The following AGBL1 variants were observed in gnomAD, a reference collection of about 807,000 sequenced individuals.
The protein encoded by AGBL1 is cytosolic carboxypeptidase 4.
AGBL1 carries 130 observed loss-of-function variants against 118.9 expected under a neutral mutation model. The ratio of observed to expected loss-of-function variants is 1.09; its 90% CI spans 0.95 to 1.26. The LOEUF (loss-of-function observed/expected upper bound fraction) is 1.26, where lower values mean the gene tolerates loss of function less well. AGBL1 is among the 50% of genes most tolerant of loss of function. The pLI is 0.00. For synonymous variants in AGBL1, 555 were observed against 478.9 expected (o/e 1.16, Z -2.08); for missense variants, 1,584 against 1,298.1 (o/e 1.22, Z -3.38).
chr15:86,835,447 G>A (rs1211167359), intron 22 of AGBL1, among the ~76,000 whole-genome samples: 1 of 152,166 alleles, frequency 6.6e-6, no homozygotes, highest in Non-Finnish European at 1.5e-5. Context: ...CTCAGTGAGA[G>A]TAAGTAAAAG....
intron 17 of AGBL1, among the ~76,000 whole-genome samples, chr15:86,357,842 C>A (rs1050192971): frequency 8.5e-5 from 13 of 152,170 alleles, no homozygotes; most frequent in Admixed American, 3.3e-4. Flanking sequence ...CATGCACAGG[C>A]CTTAAACTCT....
chr15:86,668,947 C>T (rs2085693614), intron 21 of AGBL1, among the ~76,000 whole-genome samples: 2 of 152,270 alleles, frequency 1.3e-5, no homozygotes, highest in South Asian at 2.1e-4. Context: ...AATCACAATT[C>T]AAATGTACCT....
At chr15:86,638,681 G>A (rs1376174231) in intron 21 of AGBL1, among the ~76,000 whole-genome samples, 2 of 152,206 alleles carry the variant, frequency 1.3e-5, no homozygotes, top group Non-Finnish European at 2.9e-5. Context: ...TTAGTGGGGA[G>A]ATGAGGAACT....
At position 86,196,899 on chromosome 15, in the gene AGBL1, A is replaced by G. The variant is rs1248616751; in HGVS notation, c.489-28015A>G. 6.8e-4 allele frequency among the ~76,000 whole-genome samples: 103 copies of G among 151,370 alleles called. 1 individual carries two copies. The highest frequency in any genetic ancestry group is 2.2e-3 in the African/African-American group (92 of 41,078). On this transcript the variant is annotated intron_variant, in intron 5 of 22. Transcript: ENST00000614907. ...CGCGCGCACACACACACACACACACACACACACACACACACACACACACAC... is the reference window on the plus strand; with the variant it reads ...CGCGCGCACACACACACACACACACGCACACACACACACACACACACACAC...
At chr15:86,400,561 C>T (rs916148295) in intron 18 of AGBL1, among the ~76,000 whole-genome samples, 2 of 151,056 alleles carry the variant, frequency 1.3e-5, no homozygotes, top group African/African-American at 2.4e-5. Flanking sequence ...ACCCATCCCC[C>T]GAGCAGTGTA....
Position 86,279,762 on chromosome 15 carries a change from C to G in AGBL1, c.2199C>G (p.Pro733=). 6.2e-7 allele frequency: 1 copy of G among 1,613,804 alleles called. No homozygotes were observed. Among genetic ancestry groups the G allele is most frequent in the Non-Finnish European group, 8.5e-7 (1 of 1,179,760 alleles). Residue 733 remains proline (P), a synonymous_variant, in exon 16 of 23, where the codon CCC becomes CCG. Coordinates refer to ENST00000614907, the MANE Select transcript of AGBL1 (RefSeq NM_001386094.1). The part of the protein sequence containing the change: ...EDVCYLAYHY[P]YTYTALMTHL... ...TCTGCTACCTGGCCTACCACTATCC[C>G]TATACCTACACAGCCCTCATGGTAA... is the stretch of plus-strand genomic sequence containing the variant.
chr15:86,519,057 T>C (rs747981602), intron 18 of AGBL1, among the ~76,000 whole-genome samples: 24 of 152,272 alleles, frequency 1.6e-4, no homozygotes, highest in Non-Finnish European at 3.1e-4. Flanking sequence ...AATTTTTCCC[T>C]GTAACTTATT....
chr15:86,385,330 T>A (rs868251578), intron 17 of AGBL1, among the ~76,000 whole-genome samples: 29 of 152,332 alleles, frequency 1.9e-4, no homozygotes, highest in Middle Eastern at 3.4e-3. Context: ...TTGTATTATA[T>A]CTCTGTTGAA....
chr15:86,677,372 G>C (rs1006182475), intron 22 of AGBL1, among the ~76,000 whole-genome samples: 1 of 152,060 alleles, frequency 6.6e-6, no homozygotes. Context: ...GCATACTCAC[G>C]AAAGCATCTT....
chr15:86,421,938 C>G (rs969432113), intron 18 of AGBL1, among the ~76,000 whole-genome samples: 12 of 152,130 alleles, frequency 7.9e-5, no homozygotes, highest in African/African-American at 1.7e-4. Context: ...CAGGAACACC[C>G]AGATTCATAA....
At chr15:86,186,718 T>C (rs879656655) in intron 5 of AGBL1, among the ~76,000 whole-genome samples, 47 of 152,352 alleles carry the variant, frequency 3.1e-4, no homozygotes, top group Non-Finnish European at 3.4e-4. Context: ...TCGATATCAA[T>C]AAAAATGGAG....
At chr15:86,664,699 T>C (rs2085611449) in intron 21 of AGBL1, among the ~76,000 whole-genome samples, 1 of 152,160 alleles carries the variant, frequency 6.6e-6, no homozygotes, top group Non-Finnish European at 1.5e-5. Flanking sequence ...AAGGAAAAAG[T>C]AGGACCCTAA....
At chr15:86,261,215 G>A (rs555859272) in intron 9 of AGBL1, among the ~76,000 whole-genome samples, 1 of 152,290 alleles carries the variant, frequency 6.6e-6, no homozygotes, top group African/African-American at 2.4e-5. Flanking sequence ...TGCACCAGTT[G>A]GAGCACAGCC....
intron 24 of AGBL1, among the ~76,000 whole-genome samples, chr15:87,002,444 T>C (rs1049224785): frequency 7.2e-5 from 11 of 152,082 alleles, no homozygotes; most frequent in East Asian, 3.9e-4. Context: ...GGGCTTAGGA[T>C]TGACTTGGCA....
rs2141593610 is a variant in AGBL1 at position 86,907,426 on chromosome 15, A to G, written c.*132A>G. On this transcript the variant is annotated 3_prime_UTR_variant, in exon 23 of 23. Transcript: ENST00000614907. ...AAAGCCAGCCTGTGTGAGCTCAGCA[A>G]CCCCATTTCCAGATTTTGTTCTAGT... is the stretch of plus-strand genomic sequence containing the variant. 6.6e-6 allele frequency: 1 copy of G among 152,348 alleles called. No homozygotes were observed. The highest frequency in any genetic ancestry group is 1.9e-4 in the East Asian group (1 of 5,178). 9.4% of individuals were successfully genotyped at this position (152,348 alleles called of 1,614,324 possible).
intron 16 of AGBL1, among the ~76,000 whole-genome samples, chr15:86,292,289 A>C (rs2079560454): frequency 6.6e-6 from 1 of 152,188 alleles, no homozygotes; most frequent in Non-Finnish European, 1.5e-5. Context: ...GAATGGATGC[A>C]GAAGTCAGAG....
At chr15:86,328,566 A>G (rs776966385) in intron 17 of AGBL1, among the ~76,000 whole-genome samples, 1 of 152,228 alleles carries the variant, frequency 6.6e-6, no homozygotes, top group African/African-American at 2.4e-5. Context: ...CTCAAGAGGA[A>G]AAACAGGAAT....
chr15:86,956,733 G>C (rs979680804), intron 23 of AGBL1, among the ~76,000 whole-genome samples: 21 of 152,086 alleles, frequency 1.4e-4, no homozygotes, highest in Admixed American at 1.2e-3. Context: ...GTTTAACCAA[G>C]TTGACACATA....
intron 5 of AGBL1, among the ~76,000 whole-genome samples, chr15:86,181,474 G>T (rs1004885331): frequency 1.2e-4 from 19 of 152,030 alleles, no homozygotes; most frequent in African/African-American, 4.6e-4. Context: ...AAACTATGGT[G>T]AGAAAAGGAA....
Sources: allele counts gnomAD v4.1 joint callset (sites outside exome capture counted in the v4.1 genomes callset), GRCh38; gene constraint gnomAD v4.1.1; transcripts MANE v1.5; gene names NCBI Gene and HGNC (gene_info 2026-07-23, HGNC 2026-07-21).